DLG2: variants seen among roughly 807,000 people sequenced by gnomAD.
DLG2 encodes the protein disks large homolog 2.
Under a neutral mutation model 132.5 loss-of-function variants are expected in DLG2, and 45 were observed. The ratio of observed to expected loss-of-function variants is 0.34; its 90% CI spans 0.27 to 0.44. DLG2 has a LOEUF of 0.44. Among genes scored for constraint, DLG2 ranks in the 20% least tolerant of loss-of-function variants. The pLI, the probability that DLG2 is intolerant of heterozygous loss-of-function variation, is 1.00. For synonymous variants in DLG2, 424 were observed against 419.6 expected, an observed-to-expected ratio of 1.01 and a Z score of -0.13; for missense variants, 1,045 against 1,196.9, an observed-to-expected ratio of 0.87 and a Z score of 1.87.
chr11:84,506,947 T>C (rs2154513204), intron 7 of DLG2, among the ~76,000 whole-genome samples: 1 of 152,330 alleles, frequency 6.6e-6, no homozygotes, highest in South Asian at 2.1e-4. Flanking sequence ...ATTAGTTGGC[T>C]AAGGTCATTC....
At chr11:84,281,460 C>G (rs1598997116) in intron 7 of DLG2, among the ~76,000 whole-genome samples, 1 of 151,122 alleles carries the variant, frequency 6.6e-6, no homozygotes, top group East Asian at 1.9e-4. Flanking sequence ...TATTATTATA[C>G]TTTAAGTTTT....
intron 22 of DLG2, chr11:83,480,378 T>C: frequency 6.5e-7 from 1 of 1,535,350 alleles, no homozygotes; most frequent in Non-Finnish European, 8.7e-7. Context: ...TTACGGTAGC[T>C]ACTTTCGCTA....
intron 19 of DLG2, among the ~76,000 whole-genome samples, chr11:83,578,728 C>T (rs2096922478): frequency 6.6e-6 from 1 of 152,140 alleles, no homozygotes; most frequent in Non-Finnish European, 1.5e-5. Context: ...CATGTAATAA[C>T]AGCTTCAAAA....
chr11:84,707,019 G>C (rs761875951), intron 6 of DLG2, among the ~76,000 whole-genome samples: 3 of 151,782 alleles, frequency 2.0e-5, no homozygotes, highest in Non-Finnish European at 4.4e-5. Flanking sequence ...AGCTGTGACA[G>C]TGCAAAATGA....
chr11:85,261,046 G>C (rs969750054), intron 4 of DLG2, among the ~76,000 whole-genome samples: 2 of 152,130 alleles, frequency 1.3e-5, no homozygotes, highest in African/African-American at 4.8e-5. Context: ...GGGGCCCAGC[G>C]TAGCAGGTGG....
At chr11:83,791,481 G>A in intron 17 of DLG2, 1 of 693,988 alleles carries the variant, frequency 1.4e-6, no homozygotes, top group South Asian at 1.4e-5. Flanking sequence ...AAAGTCACTG[G>A]CTAGCGATGG....
At chr11:83,871,666 C>T (rs959105211) in intron 16 of DLG2, among the ~76,000 whole-genome samples, 2 of 78,258 alleles carry the variant, frequency 2.6e-5, no homozygotes, top group African/African-American at 1.0e-4. Context: ...TGACAACCAG[C>T]TGGGCATGTA....
At chr11:84,446,813 T>C (rs569053747) in intron 7 of DLG2, among the ~76,000 whole-genome samples, 91 of 152,186 alleles carry the variant, frequency 6.0e-4, no homozygotes, top group Middle Eastern at 6.8e-3. Flanking sequence ...CTGCCCTGAA[T>C]GTCCATCAAA....
chr11:85,492,679 A>T (rs998972902), intron 3 of DLG2, among the ~76,000 whole-genome samples: 5 of 149,306 alleles, frequency 3.3e-5, no homozygotes, highest in African/African-American at 1.3e-4. Flanking sequence ...ATATATTAGC[A>T]TCAAATTGGG....
intron 6 of DLG2, among the ~76,000 whole-genome samples, chr11:84,805,830 A>G (rs2075931219): frequency 6.6e-6 from 1 of 152,218 alleles, no homozygotes; most frequent in African/African-American, 2.4e-5. Context: ...AGTCTCAGGT[A>G]TTTCTTTACA....
intron 3 of DLG2, among the ~76,000 whole-genome samples, chr11:85,435,359 G>C (rs771860842): frequency 2.6e-4 from 39 of 152,242 alleles, no homozygotes; most frequent in South Asian, 2.1e-4. Flanking sequence ...TGGGAAGAGA[G>C]GGAAGTCAAA....
chr11:85,282,707 T>C lies in DLG2; in HGVS notation c.186+2513A>G, dbSNP rs574036130. 5.3e-5 allele frequency among the ~76,000 whole-genome samples: 8 copies of C among 152,084 alleles called. No homozygotes were observed. In the East Asian group the frequency reaches 1.5e-3, roughly 29 times the overall value. On this transcript the variant is annotated intron_variant, in intron 4 of 27. Coordinates refer to ENST00000376104, the MANE Select transcript of DLG2 (RefSeq NM_001142699.3). ...ATCATTTATGCTTCTATGCAATATA[T>C]ATGGGACTATGCATCTAGAAATTGA...
intron 11 of DLG2, among the ~76,000 whole-genome samples, chr11:84,038,498 A>G (rs969731383): frequency 6.6e-6 from 1 of 152,058 alleles, no homozygotes; most frequent in South Asian, 2.1e-4. Flanking sequence ...GTGTTTTTTT[A>G]AAAAAGTATT....
rs562745448 is a variant in DLG2 at position 85,074,431 on chromosome 11, G to A, written c.357+37230C>T. Among the ~76,000 whole-genome samples the A allele has an allele frequency of 2.6e-5, 4 of 151,900 alleles. No homozygotes were observed. In the South Asian group the frequency reaches 8.3e-4, roughly 31 times the overall value. The stretch of plus-strand genomic sequence containing the variant: ...TGCCTTATATATAATGAGCAGGGAG[G>A]AAATTAATCCCATCAAGACACAGGC... On this transcript the variant is annotated intron_variant, in intron 6 of 27. Transcript: ENST00000376104.
chr11:85,163,795 C>T (rs946556760), intron 4 of DLG2, among the ~76,000 whole-genome samples: 1 of 152,100 alleles, frequency 6.6e-6, no homozygotes, highest in African/African-American at 2.4e-5. Flanking sequence ...AGTTGGATGC[C>T]TTGGATTGTA....
intron 6 of DLG2, among the ~76,000 whole-genome samples, chr11:85,082,145 C>T (rs778805057): frequency 2.6e-5 from 4 of 152,108 alleles, no homozygotes; most frequent in Non-Finnish European, 5.9e-5. Flanking sequence ...TCTTTTTGAT[C>T]AATTTGTCTT....
chr11:85,485,483 C>A (rs1458636736), intron 3 of DLG2, among the ~76,000 whole-genome samples: 1 of 152,078 alleles, frequency 6.6e-6, no homozygotes, highest in Non-Finnish European at 1.5e-5. Context: ...TGAAAAGGAA[C>A]CAGAATAGTA....
intron 18 of DLG2, among the ~76,000 whole-genome samples, chr11:83,650,169 T>A (rs895519085): frequency 1.3e-5 from 2 of 152,206 alleles, no homozygotes; most frequent in African/African-American, 4.8e-5. Flanking sequence ...CCCAAGTATA[T>A]CTATATCCTA....
At chr11:83,482,070 C>T (rs1159711020) in intron 22 of DLG2, among the ~76,000 whole-genome samples, 1 of 152,020 alleles carries the variant, frequency 6.6e-6, no homozygotes, top group Non-Finnish European at 1.5e-5. Flanking sequence ...ACTTCAGCCA[C>T]TAATTCAGGA....
Sources: allele counts gnomAD v4.1 joint callset (sites outside exome capture counted in the v4.1 genomes callset), GRCh38; gene constraint gnomAD v4.1.1; transcripts MANE v1.5; gene names NCBI Gene and HGNC (gene_info 2026-07-23, HGNC 2026-07-21).